Variants in HEATR4 observed in about 807,000 individuals in gnomAD.
The protein encoded by HEATR4 is HEAT repeat-containing protein 4.
A neutral mutation model predicts 108.8 loss-of-function variants in HEATR4; 95 were observed. The ratio of observed to expected loss-of-function variants is 0.87; its 90% confidence interval spans 0.74 to 1.04. HEATR4 has a LOEUF of 1.04. HEATR4 is among the 50% of genes least tolerant of loss of function. HEATR4 has a pLI of 0.00. For synonymous variants in HEATR4, 443 were observed against 459.4 expected, an observed-to-expected ratio of 0.96 and a Z score of 0.46; for missense variants, 1,152 against 1,253.8, an observed-to-expected ratio of 0.92 and a Z score of 1.23.
At chr14:73,576,474 A>G in the HEATR4 span, among the ~76,000 whole-genome samples, 32 of 152,132 alleles carry the variant, frequency 2.1e-4, no homozygotes, top group African/African-American at 5.3e-4. Context: ...GATGAATTAC[A>G]TAAGTGATTT....
At position 73,542,462 on chromosome 14, in the gene HEATR4, T is replaced by C. The variant is rs1247771396; in HGVS notation, c.-151-12218A>G. On this transcript the variant is annotated intron_variant, in intron 1 of 17. Transcript: ENST00000553558. ...CCGTGTCAACGAGGCTGGAGTGCAG[T>C]GGCATGATCTCGGCTTACTGCAACC... is the stretch of plus-strand genomic sequence containing the variant. 6.1e-5 allele frequency among the ~76,000 whole-genome samples: 6 copies of C among 99,008 alleles called. 2 individuals are homozygous for C. The highest frequency in any genetic ancestry group is 2.1e-4 in the African/African-American group (6 of 28,708). 65.0% of individuals were successfully genotyped at this position (99,008 alleles called of 152,430 possible).
the HEATR4 span, among the ~76,000 whole-genome samples, chr14:73,568,872 G>A: frequency 6.6e-6 from 1 of 152,028 alleles, no homozygotes; most frequent in South Asian, 2.1e-4. Flanking sequence ...ACACCATGGT[G>A]CAGATTTTGA....
chr14:73,522,541 G>A lies in HEATR4; in HGVS notation c.612C>T (p.Ala204=). The change falls in exon 3 of 18, where the codon GCC becomes GCT. Residue 204 remains alanine, a synonymous_variant. Transcript: ENST00000553558. The part of the protein sequence containing the change: ...PPEKEARAWE[A]TVLEKLNERT... The stretch of plus-strand genomic sequence containing the variant: ...GCTCGTTCAGCTTTTCCAGCACAGT[G>A]GCCTCCCACGCTCTGGCCTCCTTCT... The A allele has an allele frequency of 6.2e-7, 1 of 1,614,174 alleles. No homozygotes were observed.
At chr14:73,626,924 T>G in the HEATR4 span, among the ~76,000 whole-genome samples, 2 of 150,132 alleles carry the variant, frequency 1.3e-5, no homozygotes, top group African/African-American at 4.9e-5. Context: ...CCTAGGTAGC[T>G]GGGATTACAG....
At chr14:73,524,310 A>AAAAAAAAAAAAAAATATATATAT in intron 2 of HEATR4, among the ~76,000 whole-genome samples, 1 of 54,788 alleles carries the variant, frequency 1.8e-5, no homozygotes, top group African/African-American at 8.8e-5. Context: ...AAAAAAAAAA[A>AAAAAAAAAAAAAAATATATATAT]ATATATATAT....
chr14:73,630,788 G>A, the HEATR4 span, among the ~76,000 whole-genome samples: 1 of 152,318 alleles, frequency 6.6e-6, no homozygotes, highest in Middle Eastern at 3.4e-3. Flanking sequence ...CTGCCTGGAA[G>A]AAAAGGGATT....
At chr14:73,514,941 G>A (rs1271294277) in intron 5 of HEATR4, among the ~76,000 whole-genome samples, 1 of 152,000 alleles carries the variant, frequency 6.6e-6, no homozygotes, top group African/African-American at 2.4e-5. Context: ...GGTGGCATGT[G>A]CTTGTAGTCT....
At chr14:73,562,366 A>G (rs1261633269), upstream of HEATR4, among the ~76,000 whole-genome samples, 2 of 152,120 alleles carry the variant, frequency 1.3e-5, no homozygotes, top group South Asian at 2.1e-4. Flanking sequence ...GAGGATGTAC[A>G]TAACCTCAGG....
chr14:73,523,721 C>T (rs570499458), intron 2 of HEATR4, among the ~76,000 whole-genome samples: 4 of 152,262 alleles, frequency 2.6e-5, no homozygotes, highest in Admixed American at 1.3e-4. Flanking sequence ...AATGGCCTTT[C>T]GTACTTGACA....
At chr14:73,503,392 C>T in intron 10 of HEATR4, among the ~76,000 whole-genome samples, 1 of 152,190 alleles carries the variant, frequency 6.6e-6, no homozygotes. Flanking sequence ...TTGCCTGGGA[C>T]TCTCCTGGTT....
chr14:73,509,999 G>A (rs1473876578), intron 7 of HEATR4, among the ~76,000 whole-genome samples: 2 of 150,076 alleles, frequency 1.3e-5, no homozygotes, highest in African/African-American at 4.9e-5. Context: ...TCAGCCTCCC[G>A]AGTAGCTGGG....
chr14:73,491,911 C>T, intron 17 of HEATR4: 1 of 1,612,998 alleles, frequency 6.2e-7, no homozygotes. Context: ...CCCTGCGTCT[C>T]CTCTGTCCGC....
chr14:73,625,541 T>C, the HEATR4 span, among the ~76,000 whole-genome samples: 1 of 151,934 alleles, frequency 6.6e-6, no homozygotes, highest in Non-Finnish European at 1.5e-5. Flanking sequence ...TTTGTATTTT[T>C]AGTAGAGACG....
the HEATR4 span, among the ~76,000 whole-genome samples, chr14:73,630,546 A>G: frequency 6.6e-6 from 1 of 152,242 alleles, no homozygotes; most frequent in Non-Finnish European, 1.5e-5. Context: ...GAAACCCAGC[A>G]AGGCCTGTCT....
chr14:73,579,277 A>C, the HEATR4 span, among the ~76,000 whole-genome samples: 1 of 145,680 alleles, frequency 6.9e-6, no homozygotes, highest in Admixed American at 6.8e-5. Context: ...AAAAAAAAAA[A>C]AAAAAAAAAA....
At chr14:73,607,365 A>G in the HEATR4 span, among the ~76,000 whole-genome samples, 74 of 152,290 alleles carry the variant, frequency 4.9e-4, no homozygotes, top group Admixed American at 4.6e-4. Flanking sequence ...CCTTTTAGCC[A>G]GGGCTGGAGT....
chr14:73,500,801 G>T, intron 11 of HEATR4, 71 bp from the exon 12 acceptor site: 1 of 1,419,480 alleles, frequency 7.0e-7, no homozygotes, highest in South Asian at 1.3e-5. Context: ...CCCCACTAAT[G>T]CCCTCATGAT....
chr14:73,502,952 G>A lies in HEATR4; in HGVS notation c.2048C>T (p.Ala683Val). ...CATTTGCCCAAGCGCCTGTGCAGCT[G>A]CTCTCCTCACTTCCTTATTCCAGTC... Reference protein sequence around the residue: ...WNDWNKEVRRAAAQALGQMSL... With the variant: ...WNDWNKEVRRVAAQALGQMSL... The change falls in exon 11 of 18, where the codon GCA becomes GTA. Residue 683 changes from alanine (A) to valine (V), a missense_variant. Coordinates refer to ENST00000553558, the MANE Select transcript of HEATR4 (RefSeq NM_001220484.1). 6.2e-7 allele frequency: 1 copy of A among 1,614,018 alleles called. No homozygotes were observed. The highest frequency in any genetic ancestry group is 8.5e-7 in the Non-Finnish European group (1 of 1,180,010).
intron 4 of HEATR4, 140 bp from the exon 5 acceptor site, chr14:73,519,303 G>A (rs1887827998): frequency 1.4e-6 from 1 of 704,498 alleles, no homozygotes; most frequent in South Asian, 2.7e-5. Flanking sequence ...CATACTCTGG[G>A]GCATCCCTTG....
Sources: gnomAD v4.1 joint callset for allele counts (sites outside exome capture counted in the v4.1 genomes callset) on GRCh38, gnomAD v4.1.1 for gene constraint, MANE v1.5 for transcripts, NCBI Gene and HGNC (gene_info 2026-07-23, HGNC 2026-07-21) for gene names.